The following NUMB variants were observed in gnomAD, a reference collection of about 807,000 sequenced individuals.
The protein encoded by NUMB is NUMB endocytic adaptor protein, also known as protein numb homolog.
A neutral mutation model predicts 59.7 loss-of-function variants in NUMB; 29 were observed. That is an observed-to-expected ratio of 0.49 (90% CI 0.36 to 0.66). The LOEUF (loss-of-function observed/expected upper bound fraction) is 0.66. NUMB is among the 30% of genes least tolerant of loss of function. The probability of loss-of-function intolerance (pLI) is 0.00; values close to 1 mark genes in which losing one functional copy is unlikely to be tolerated. For synonymous variants in NUMB, 288 were observed against 288.2 expected, an observed-to-expected ratio of 1.00 and a Z score of 0.01; for missense variants, 723 against 822.0, an observed-to-expected ratio of 0.88 and a Z score of 1.47.
intron 3 of NUMB, among the ~76,000 whole-genome samples, chr14:73,358,963 G>C (rs1244545845): frequency 6.6e-6 from 1 of 152,096 alleles, no homozygotes; most frequent in African/African-American, 2.4e-5. Flanking sequence ...CACTGACAAA[G>C]GAACCACTGA....
intron 2 of NUMB, among the ~76,000 whole-genome samples, chr14:73,378,357 T>C (rs1396459955): frequency 1.3e-5 from 2 of 152,186 alleles, no homozygotes; most frequent in African/African-American, 4.8e-5. Context: ...CTTACAAAAC[T>C]GCACATACTC....
At chr14:73,279,147 C>A in intron 12 of NUMB, 134 bp downstream of exon 12, 1 of 966,376 alleles carries the variant, frequency 1.0e-6, no homozygotes, top group South Asian at 1.5e-5. Context: ...ATGTAAGCAA[C>A]TTATTTCTAG....
At chr14:73,390,306 T>G (rs1895776877) in intron 2 of NUMB, among the ~76,000 whole-genome samples, 1 of 152,210 alleles carries the variant, frequency 6.6e-6, no homozygotes, top group African/African-American at 2.4e-5. Context: ...CAAGAACATA[T>G]TAGCATATTG....
At chr14:73,305,651 T>A (rs867978260) in intron 6 of NUMB, among the ~76,000 whole-genome samples, 4 of 152,234 alleles carry the variant, frequency 2.6e-5, no homozygotes, top group African/African-American at 7.2e-5. Context: ...TCATTTTGCA[T>A]AGCTTTGAAA....
chr14:73,313,109 C>G (rs1890868999), intron 6 of NUMB, among the ~76,000 whole-genome samples: 1 of 151,856 alleles, frequency 6.6e-6, no homozygotes, highest in Non-Finnish European at 1.5e-5. Context: ...GCCTCAGCCT[C>G]CTGAGTAGCT....
At chr14:73,309,920 A>G (rs1890681436) in intron 6 of NUMB, among the ~76,000 whole-genome samples, 1 of 152,096 alleles carries the variant, frequency 6.6e-6, no homozygotes, top group African/African-American at 2.4e-5. Context: ...AAAACAACAT[A>G]ACAACATATT....
At chr14:73,411,220 TG>T (rs1896881932) in intron 1 of NUMB, among the ~76,000 whole-genome samples, 1 of 47,282 alleles carries the variant, frequency 2.1e-5, no homozygotes, top group East Asian at 6.8e-4. Context: ...AAGTAGAGGG[TG>T]GGGGTGGGGG....
intron 2 of NUMB, among the ~76,000 whole-genome samples, chr14:73,388,963 G>A (rs1895688546): frequency 6.6e-6 from 1 of 152,070 alleles, no homozygotes; most frequent in Non-Finnish European, 1.5e-5. Flanking sequence ...GCAGGGCGTG[G>A]TGGCGGGCGC....
rs544963158 is a variant in NUMB at position 73,281,528 on chromosome 14, G to A, written c.1096+831C>T. 8 of 152,272 alleles carry A rather than the reference G, an allele frequency of 5.3e-5. No homozygotes were observed. The South Asian group carries it at 8.3e-4, about 16-fold the overall frequency. 9.4% of individuals were successfully genotyped at this position (152,272 alleles called of 1,614,324 possible). On this transcript the variant is annotated intron_variant, in intron 11 of 12. Transcript: ENST00000555238. ...GCACTATCTCTGGAGTAAAACTTCC[G>A]CTGAGCTCTCTTTCAAAAGAAATGG...
chr14:73,348,287 C>T lies in NUMB; in HGVS notation c.126+7339G>A, dbSNP rs76772021. Among the ~76,000 whole-genome samples the T allele has an allele frequency of 1.1e-3, 174 of 152,266 alleles. 3 individuals are homozygous for T. The East Asian group carries it at 0.028, about 24-fold the overall frequency. On this transcript the variant is annotated intron_variant, in intron 4 of 12. Coordinates refer to ENST00000555238, the MANE Select transcript of NUMB (RefSeq NM_001005743.2). ...GTTGGGGAGGGAAGGAGTGACACAACATAGCAGAGACACTGAATGTCCTAC... is the reference window on the plus strand; with the variant it reads ...GTTGGGGAGGGAAGGAGTGACACAATATAGCAGAGACACTGAATGTCCTAC...
intron 2 of NUMB, among the ~76,000 whole-genome samples, chr14:73,406,873 T>A (rs559699584): frequency 6.6e-6 from 1 of 152,310 alleles, no homozygotes; most frequent in East Asian, 1.9e-4. Context: ...CATGTGTCTG[T>A]TGGCTGCATT....
intron 1 of NUMB, among the ~76,000 whole-genome samples, chr14:73,453,346 G>A (rs1364487027): frequency 2.6e-5 from 4 of 151,902 alleles, no homozygotes; most frequent in Admixed American, 2.6e-4. Context: ...TGGTCAGGCT[G>A]GTCTCAAACT....
At position 73,276,543 on chromosome 14, in the gene NUMB, C is replaced by G. The variant is rs781543237; in HGVS notation, c.*35G>C. Reference sequence around the variant, plus strand: ...TTGACCGCTACCCCCTGCTCCCTGTCTGGTATGGACAAGATACATAGCCAT... The same window carrying G: ...TTGACCGCTACCCCCTGCTCCCTGTGTGGTATGGACAAGATACATAGCCAT... On this transcript the variant is annotated 3_prime_UTR_variant, in exon 13 of 13. Transcript: ENST00000555238. 8 of 1,541,630 alleles carry G rather than the reference C, an allele frequency of 5.2e-6. No homozygotes were observed. In the South Asian group the frequency reaches 9.4e-5, roughly 18 times the overall value.
intron 4 of NUMB, among the ~76,000 whole-genome samples, chr14:73,328,529 T>C (rs1891785059): frequency 6.6e-6 from 1 of 152,200 alleles, no homozygotes; most frequent in Admixed American, 6.5e-5. Flanking sequence ...CATCACAATT[T>C]TACCTTCCCA....
At chr14:73,448,039 C>T (rs1480358816) in intron 1 of NUMB, among the ~76,000 whole-genome samples, 2 of 152,092 alleles carry the variant, frequency 1.3e-5, no homozygotes, top group African/African-American at 2.4e-5. Flanking sequence ...TCAAGTGATT[C>T]GCCTGCCTCG....
At chr14:73,396,196 C>T (rs1896122548) in intron 2 of NUMB, among the ~76,000 whole-genome samples, 1 of 152,152 alleles carries the variant, frequency 6.6e-6, no homozygotes, top group African/African-American at 2.4e-5. Flanking sequence ...GATCCTCCTG[C>T]CTCAGTCTCC....
At chr14:73,447,628 A>G (rs1443509014) in intron 1 of NUMB, among the ~76,000 whole-genome samples, 3 of 149,368 alleles carry the variant, frequency 2.0e-5, no homozygotes, top group Non-Finnish European at 4.5e-5. Context: ...ACTAAAAAGG[A>G]AAAAAAAACA....
At chr14:73,332,922 T>C (rs1044263312) in intron 4 of NUMB, among the ~76,000 whole-genome samples, 2 of 152,122 alleles carry the variant, frequency 1.3e-5, no homozygotes, top group African/African-American at 2.4e-5. Context: ...ATCCACACCA[T>C]AGCATACATG....
chr14:73,391,187 G>A (rs906886814), intron 2 of NUMB, among the ~76,000 whole-genome samples: 2 of 151,866 alleles, frequency 1.3e-5, no homozygotes, highest in Non-Finnish European at 1.5e-5. Context: ...CTATTTCATA[G>A]GACTGTATAA....
Sources: gnomAD v4.1 joint callset for allele counts (sites outside exome capture counted in the v4.1 genomes callset) on GRCh38, gnomAD v4.1.1 for gene constraint, MANE v1.5 for transcripts, NCBI Gene and HGNC (gene_info 2026-07-23, HGNC 2026-07-21) for gene names.